Variants in RFX3 observed in about 807,000 individuals in gnomAD.
The protein encoded by RFX3 is transcription factor RFX3.
Under a neutral mutation model 98.6 loss-of-function variants are expected in RFX3, and 14 were observed. That is an observed-to-expected ratio of 0.14 (90% confidence interval 0.09 to 0.22). The LOEUF (loss-of-function observed/expected upper bound fraction) is 0.22, where lower values mean the gene tolerates loss of function less well. RFX3 is among the 10% of genes least tolerant of loss of function. The probability of loss-of-function intolerance (pLI) is 1.00; values close to 1 mark genes in which losing one functional copy is unlikely to be tolerated. For synonymous variants in RFX3, 383 were observed against 328.4 expected, an observed-to-expected ratio of 1.17 and a Z score of -1.80; for missense variants, 639 against 926.9, an observed-to-expected ratio of 0.69 and a Z score of 4.03.
intron 3 of RFX3, among the ~76,000 whole-genome samples, chr9:3,342,343 A>G (rs1170271419): frequency 1.3e-5 from 2 of 152,182 alleles, no homozygotes; most frequent in East Asian, 1.9e-4. Context: ...GTGTAACCAC[A>G]GAACTCTTAA....
intron 2 of RFX3, among the ~76,000 whole-genome samples, chr9:3,362,913 T>C (rs974198179): frequency 6.6e-6 from 1 of 152,198 alleles, no homozygotes; most frequent in Non-Finnish European, 1.5e-5. Context: ...TCAGGAAAGA[T>C]TTAGTTTAGA....
intron 3 of RFX3, among the ~76,000 whole-genome samples, chr9:3,338,775 C>T (rs7861699): frequency 0.17 from 26,443 of 151,972 alleles, 2,358 homozygotes; most frequent in Middle Eastern, 0.22. Context: ...TTCACAGGAA[C>T]GAAAGGGAAA....
chr9:3,319,745 T>C (rs934022552), intron 4 of RFX3, among the ~76,000 whole-genome samples: 2 of 152,054 alleles, frequency 1.3e-5, no homozygotes, highest in African/African-American at 4.8e-5. Flanking sequence ...TACCTTTCAG[T>C]GCAGGAACTA....
chr9:3,366,366 TG>T (rs1837072464), intron 2 of RFX3, among the ~76,000 whole-genome samples: 1 of 152,218 alleles, frequency 6.6e-6, no homozygotes, highest in Non-Finnish European at 1.5e-5. Flanking sequence ...TCCAAGTGCG[TG>T]TATACGTGTG....
intron 2 of RFX3, among the ~76,000 whole-genome samples, chr9:3,388,355 A>G (rs1340012396): frequency 6.6e-6 from 1 of 152,148 alleles, no homozygotes; most frequent in Admixed American, 6.6e-5. Flanking sequence ...TTCTCCTGCA[A>G]CCTAATTTAC....
intron 1 of RFX3, among the ~76,000 whole-genome samples, chr9:3,411,512 C>A (rs917528668): frequency 6.6e-6 from 1 of 151,898 alleles, no homozygotes; most frequent in Admixed American, 6.6e-5. Flanking sequence ...ACCAGACTGG[C>A]TAATTTTTGT....
At chr9:3,457,333 T>A (rs997812751) in intron 1 of RFX3, among the ~76,000 whole-genome samples, 4 of 152,058 alleles carry the variant, frequency 2.6e-5, no homozygotes, top group Non-Finnish European at 4.4e-5. Flanking sequence ...ACCTAACCAT[T>A]CATATTTGCA....
At chr9:3,318,373 G>T (rs961479486) in intron 4 of RFX3, among the ~76,000 whole-genome samples, 8 of 152,088 alleles carry the variant, frequency 5.3e-5, no homozygotes, top group Non-Finnish European at 1.2e-4. Flanking sequence ...GCACTGCTGT[G>T]GGGTGGAGGG....
intron 14 of RFX3, among the ~76,000 whole-genome samples, chr9:3,254,748 T>C (rs1436876608): frequency 6.6e-6 from 1 of 152,140 alleles, no homozygotes; most frequent in African/African-American, 2.4e-5. Flanking sequence ...AATTCTACCA[T>C]TACTACAACT....
intron 7 of RFX3, among the ~76,000 whole-genome samples, chr9:3,279,170 T>TGCTA (rs1157267661): frequency 6.6e-6 from 1 of 151,860 alleles, no homozygotes; most frequent in East Asian, 1.9e-4. Flanking sequence ...GCAGAGCAGT[T>TGCTA]GCTAGCCATT....
At chr9:3,293,337 T>A in intron 5 of RFX3, 79 bp from the exon 6 acceptor site, 1 of 991,180 alleles carries the variant, frequency 1.0e-6, no homozygotes, top group Non-Finnish European at 1.5e-6. Flanking sequence ...AAATGCAACA[T>A]ACAGAAATAC....
At chr9:3,364,317 A>G (rs1177905680) in intron 2 of RFX3, 1 of 153,422 alleles carries the variant, frequency 6.5e-6, no homozygotes, top group African/African-American at 2.4e-5. Flanking sequence ...AAAAATAATC[A>G]TGGGATACAC....
chr9:3,377,154 T>C (rs1477120061), intron 2 of RFX3, among the ~76,000 whole-genome samples: 1 of 152,204 alleles, frequency 6.6e-6, no homozygotes, highest in Non-Finnish European at 1.5e-5. Flanking sequence ...CGTATGTTTA[T>C]TGCAGCACTA....
chr9:3,308,375 G>C (rs774491227), intron 4 of RFX3, among the ~76,000 whole-genome samples: 1 of 152,174 alleles, frequency 6.6e-6, no homozygotes, highest in African/African-American at 2.4e-5. Flanking sequence ...ATTTTCAGAA[G>C]ATGAAGAGGG....
intron 15 of RFX3, among the ~76,000 whole-genome samples, chr9:3,242,848 TAAAG>T (rs1195784895): frequency 1.3e-5 from 2 of 152,068 alleles, no homozygotes; most frequent in Non-Finnish European, 2.9e-5. Context: ...ATTGAACACT[TAAAG>T]ACTCTACTGG....
At chr9:3,272,230 G>A (rs574047499) in intron 9 of RFX3, among the ~76,000 whole-genome samples, 8 of 152,262 alleles carry the variant, frequency 5.3e-5, no homozygotes, top group Admixed American at 2.6e-4. Context: ...TCAGTATAAT[G>A]TGATTGATGT....
At chr9:3,377,463 A>C (rs954747478) in intron 2 of RFX3, among the ~76,000 whole-genome samples, 2 of 152,176 alleles carry the variant, frequency 1.3e-5, no homozygotes, top group African/African-American at 4.8e-5. Context: ...GGGAAGGGAT[A>C]ACATTAGGAT....
At chr9:3,263,536 C>T (rs1489971812) in intron 12 of RFX3, among the ~76,000 whole-genome samples, 1 of 152,118 alleles carries the variant, frequency 6.6e-6, no homozygotes, top group Non-Finnish European at 1.5e-5. Context: ...CTACTCTTTA[C>T]ATTGTATTTA....
rs1438663107 is a variant in RFX3, at chr9:3,478,505, G to A, written c.-9+47242C>T. Among the ~76,000 whole-genome samples the A allele has an allele frequency of 2.0e-5, 3 of 150,120 alleles. No homozygotes were observed. The South Asian group carries it at 6.3e-4, about 31-fold the overall frequency. Reference sequence around the variant, plus strand: ...CAGTAAAATGTAGTAGTCAACCAATGATCATTTAAAAGATTTCCTTAAATG... The same window carrying A: ...CAGTAAAATGTAGTAGTCAACCAATAATCATTTAAAAGATTTCCTTAAATG... On this transcript the variant is annotated intron_variant, in intron 1 of 16. Transcript: ENST00000617270.
Sources: allele counts gnomAD v4.1 joint callset (sites outside exome capture counted in the v4.1 genomes callset), GRCh38; gene constraint gnomAD v4.1.1; transcripts MANE v1.5; gene names NCBI Gene and HGNC (gene_info 2026-07-23, HGNC 2026-07-21).